Variants in IPMK observed in about 807,000 individuals in gnomAD.
IPMK encodes the protein inositol 1,3,4,6-tetrakisphosphate 5-kinase.
A neutral mutation model predicts 45.8 loss-of-function variants in IPMK; 17 were observed. The observed-to-expected ratio is 0.37, with a 90% CI of 0.25 to 0.56. The LOEUF (loss-of-function observed/expected upper bound fraction) is 0.56. Ranked by LOEUF, IPMK falls within the 20% of genes least tolerant of loss-of-function variation. The pLI, the probability that IPMK is intolerant of heterozygous loss-of-function variation, is 0.79. For missense variants in IPMK, 399 were observed against 498.0 expected (o/e 0.80, Z 1.89); for synonymous variants, 180 against 184.3 (o/e 0.98, Z 0.19).
intron 1 of IPMK, among the ~76,000 whole-genome samples, chr10:58,250,454 T>C (rs1351423403): frequency 6.6e-6 from 1 of 152,094 alleles, no homozygotes; most frequent in Admixed American, 6.6e-5. Context: ...GTAAATGAGA[T>C]TGCTTTTTTA....
intron 1 of IPMK, among the ~76,000 whole-genome samples, chr10:58,254,200 A>T (rs1838929331): frequency 6.6e-6 from 1 of 151,932 alleles, no homozygotes; most frequent in Admixed American, 6.6e-5. Flanking sequence ...GATGTTTCGT[A>T]ATTCTTGTAG....
Position 58,194,029 on chromosome 10 carries a change from T to G in IPMK, c.*2047A>C, listed in dbSNP as rs544038833. 1 of 151,968 alleles carries G rather than the reference T, an allele frequency of 6.6e-6. No homozygotes were observed. Among genetic ancestry groups the G allele is most frequent in the South Asian group, 2.1e-4 (1 of 4,826 alleles). 9.4% of individuals were successfully genotyped at this position (151,968 alleles called of 1,614,324 possible). On this transcript the variant is annotated 3_prime_UTR_variant, in exon 6 of 6. Coordinates refer to ENST00000373935, the MANE Select transcript of IPMK (RefSeq NM_152230.5). ...GCTTTATTAAAAACAAAACATGATCTATTGTATCAAAAAGGTAAGACATTG... is the reference window on the plus strand; with the variant it reads ...GCTTTATTAAAAACAAAACATGATCGATTGTATCAAAAAGGTAAGACATTG...
intron 1 of IPMK, among the ~76,000 whole-genome samples, chr10:58,252,173 G>T (rs1362552778): frequency 6.6e-6 from 1 of 152,024 alleles, no homozygotes; most frequent in Non-Finnish European, 1.5e-5. Context: ...TTACCACGAG[G>T]CTTATAAAAA....
chr10:58,251,574 G>C (rs1838880722), intron 1 of IPMK, among the ~76,000 whole-genome samples: 6 of 152,114 alleles, frequency 3.9e-5, no homozygotes, highest in Admixed American at 3.9e-4. Flanking sequence ...GCCAAAAGTG[G>C]GGTGTTGAAG....
intron 2 of IPMK, among the ~76,000 whole-genome samples, chr10:58,233,883 T>C (rs2132163083): frequency 6.6e-6 from 1 of 152,338 alleles, no homozygotes; most frequent in African/African-American, 2.4e-5. Flanking sequence ...AAATTGTCCC[T>C]GTTTGTAGAT....
chr10:58,255,090 G>A (rs182770760), intron 1 of IPMK, among the ~76,000 whole-genome samples: 2 of 152,312 alleles, frequency 1.3e-5, no homozygotes, highest in Admixed American at 1.3e-4. Flanking sequence ...GAAAGCCTGG[G>A]ACTCAGGCTA....
intron 3 of IPMK, among the ~76,000 whole-genome samples, chr10:58,218,509 A>G (rs1275874559): frequency 1.3e-5 from 2 of 152,230 alleles, no homozygotes; most frequent in Non-Finnish European, 2.9e-5. Flanking sequence ...TGAATTTCAA[A>G]TATCAGAATA....
intron 1 of IPMK, among the ~76,000 whole-genome samples, chr10:58,261,681 C>T (rs1047544096): frequency 1.3e-5 from 2 of 151,898 alleles, no homozygotes; most frequent in African/African-American, 2.4e-5. Flanking sequence ...CTCCCAGGTT[C>T]ATGTGATTCT....
chr10:58,226,128 A>G (rs1838412142), intron 3 of IPMK, among the ~76,000 whole-genome samples: 1 of 152,198 alleles, frequency 6.6e-6, no homozygotes. Context: ...ACTATCAGCT[A>G]GCTGAGGATA....
At chr10:58,216,740 C>T (rs1838249666) in intron 3 of IPMK, among the ~76,000 whole-genome samples, 1 of 152,000 alleles carries the variant, frequency 6.6e-6, no homozygotes, top group Admixed American at 6.6e-5. Context: ...TAAATCCTTC[C>T]CACAGAGTAA....
At chr10:58,250,277 C>A (rs762910813) in intron 1 of IPMK, among the ~76,000 whole-genome samples, 1 of 152,020 alleles carries the variant, frequency 6.6e-6, no homozygotes, top group Non-Finnish European at 1.5e-5. Context: ...TTGGGTAGTA[C>A]GAACATTTTA....
intron 4 of IPMK, among the ~76,000 whole-genome samples, chr10:58,214,794 C>G (rs1048144598): frequency 1.3e-5 from 2 of 152,232 alleles, no homozygotes; most frequent in African/African-American, 4.8e-5. Flanking sequence ...CTTCACGCAT[C>G]TAGAAGATGC....
intron 4 of IPMK, among the ~76,000 whole-genome samples, chr10:58,207,014 T>G (rs936192066): frequency 1.3e-5 from 2 of 152,146 alleles, no homozygotes; most frequent in Non-Finnish European, 2.9e-5. Flanking sequence ...TTTCTTTTCT[T>G]GTTTTGAGAC....
intron 1 of IPMK, among the ~76,000 whole-genome samples, chr10:58,238,399 C>G (rs1242603002): frequency 2.0e-5 from 3 of 152,176 alleles, no homozygotes; most frequent in Non-Finnish European, 2.9e-5. Context: ...CAGGAAAGGG[C>G]ACCTTTTTAT....
At chr10:58,251,232 A>C (rs995829963) in intron 1 of IPMK, among the ~76,000 whole-genome samples, 1 of 152,084 alleles carries the variant, frequency 6.6e-6, no homozygotes, top group Non-Finnish European at 1.5e-5. Flanking sequence ...AATTTATTTT[A>C]ATTTCTTAAT....
chr10:58,257,211 A>G (rs1307959299), intron 1 of IPMK, among the ~76,000 whole-genome samples: 1 of 152,220 alleles, frequency 6.6e-6, no homozygotes, highest in Non-Finnish European at 1.5e-5. Context: ...GGGTATTTCA[A>G]CAGCCAGGCC....
chr10:58,218,885 A>T (rs1464396368), intron 3 of IPMK, among the ~76,000 whole-genome samples: 1 of 152,158 alleles, frequency 6.6e-6, no homozygotes, highest in Non-Finnish European at 1.5e-5. Flanking sequence ...AAATACAATA[A>T]ATGTTTGCTG....
At chr10:58,218,071 TAGTCAAAGAAGAAGAG>T (rs1270641079) in intron 3 of IPMK, among the ~76,000 whole-genome samples, 1 of 152,202 alleles carries the variant, frequency 6.6e-6, no homozygotes, top group Non-Finnish European at 1.5e-5. Flanking sequence ...TTTTATGCTT[TAGTCAAAGAAGAAGAG>T]AGCAGGGTTA....
At chr10:58,221,189 C>A (rs897762278) in intron 3 of IPMK, among the ~76,000 whole-genome samples, 2 of 152,136 alleles carry the variant, frequency 1.3e-5, no homozygotes, top group African/African-American at 4.8e-5. Flanking sequence ...TAAAGTAACT[C>A]TCTTTTGCAT....
Sources: gnomAD v4.1 joint callset for allele counts (sites outside exome capture counted in the v4.1 genomes callset) on GRCh38, gnomAD v4.1.1 for gene constraint, MANE v1.5 for transcripts, NCBI Gene and HGNC (gene_info 2026-07-23, HGNC 2026-07-21) for gene names.